Variants in CEP57L1 observed in about 807,000 individuals in gnomAD.
CEP57L1 encodes the protein centrosomal protein 57 like 1, also known as centrosomal protein CEP57L1.
Under a neutral mutation model 61.0 loss-of-function variants are expected in CEP57L1, and 37 were observed. The ratio of observed to expected loss-of-function variants is 0.61; its 90% CI spans 0.47 to 0.80. The LOEUF (loss-of-function observed/expected upper bound fraction) is 0.80. CEP57L1 is among the 30% of genes least tolerant of loss of function. The pLI, the probability that CEP57L1 is intolerant of heterozygous loss-of-function variation, is 0.00. For synonymous variants in CEP57L1, 137 were observed against 162.3 expected (o/e 0.84, Z 1.19); for missense variants, 422 against 524.7 (o/e 0.80, Z 1.91).
chr6:109,127,617 G>GTTTGT (rs1414337566), intron 1 of CEP57L1, among the ~76,000 whole-genome samples: 3 of 145,914 alleles, frequency 2.1e-5, no homozygotes, highest in Middle Eastern at 3.4e-3. Flanking sequence ...TTTTTTGTTT[G>GTTTGT]TTTGTTTTGT....
intron 1 of CEP57L1, chr6:109,140,322 T>G (rs1383834453): frequency 6.6e-6 from 1 of 152,108 alleles, no homozygotes; most frequent in Non-Finnish European, 1.5e-5. Context: ...CATTAACCCT[T>G]TGTTCTTCAT....
chr6:109,148,887 TC>T (rs1772272527), intron 3 of CEP57L1, among the ~76,000 whole-genome samples: 1 of 152,238 alleles, frequency 6.6e-6, no homozygotes, highest in Admixed American at 6.5e-5. Context: ...GAGCATTTGT[TC>T]ATGTGTTTTT....
intron 4 of CEP57L1, 113 bp from the exon 5 acceptor site, chr6:109,153,720 T>C (rs932933718): frequency 4.2e-6 from 3 of 718,092 alleles, no homozygotes; most frequent in African/African-American, 1.8e-5. Flanking sequence ...TTTATGTACA[T>C]GTTTCTTAAG....
Position 109,155,832 on chromosome 6 carries a change from A to G in CEP57L1, c.699A>G (p.Ser233=). ...AAATCAGTAAAATTATAATGTCTTC[A>G]GTTTCAAATCTAAAGCACTCCAAGG... is the stretch of plus-strand genomic sequence containing the variant. ...GLEISKIIMS[S]VSNLKHSKEK... is the part of the protein sequence containing the mutation. The change falls in exon 7 of 11, where the codon TCA becomes TCG. Residue 233 remains serine (S), a synonymous_variant. Coordinates refer to ENST00000517392, the MANE Select transcript of CEP57L1 (RefSeq NM_001271852.3). 6.3e-7 allele frequency: 1 copy of G among 1,588,298 alleles called. No individual in the cohort carries two copies. Among genetic ancestry groups the G allele is most frequent in the Non-Finnish European group, 8.6e-7 (1 of 1,161,788 alleles).
At chr6:109,096,870 C>T (rs1781761798) in intron 1 of CEP57L1, among the ~76,000 whole-genome samples, 1 of 152,114 alleles carries the variant, frequency 6.6e-6, no homozygotes, top group African/African-American at 2.4e-5. Context: ...CTTTTTATGC[C>T]GTAGTTAAAT....
chr6:109,134,679 A>C (rs1480940013), intron 1 of CEP57L1, among the ~76,000 whole-genome samples: 2 of 152,222 alleles, frequency 1.3e-5, no homozygotes, highest in East Asian at 3.8e-4. Context: ...GTCTCAGCCC[A>C]AAATCTCCTT....
intron 1 of CEP57L1, among the ~76,000 whole-genome samples, chr6:109,141,486 A>G (rs1317471738): frequency 6.6e-6 from 1 of 151,994 alleles, no homozygotes; most frequent in Non-Finnish European, 1.5e-5. Flanking sequence ...GTGTTTCCCC[A>G]ATTTTTCTAA....
chr6:109,118,719 C>CA (rs763942250), intron 1 of CEP57L1, among the ~76,000 whole-genome samples: 3 of 152,206 alleles, frequency 2.0e-5, no homozygotes, highest in Non-Finnish European at 4.4e-5. Context: ...CAGAATAACT[C>CA]AGACACTACA....
chr6:109,153,915 G>A lies in CEP57L1; in HGVS notation c.545G>A (p.Cys182Tyr). 6.2e-7 allele frequency: 1 copy of A among 1,608,790 alleles called. No homozygotes were observed. The highest frequency in any genetic ancestry group is 1.1e-5 in the South Asian group (1 of 90,540). Residue 182 changes from cysteine to tyrosine, a missense_variant, in exon 5 of 11, where the codon TGT becomes TAT. Physicochemically the swap from Cys to Tyr is radical, Grantham distance 194. Coordinates refer to ENST00000517392, the MANE Select transcript of CEP57L1 (RefSeq NM_001271852.3). ...AAGCTTGATGTCTTAGAAAAAGAGT[G>A]TTTCAGACTTACAACAACTCAGAAA... is the stretch of plus-strand genomic sequence containing the variant. ...LEKLDVLEKECFRLTTTQKTA... is the reference protein window; with the variant it reads ...LEKLDVLEKEYFRLTTTQKTA...
intron 1 of CEP57L1, among the ~76,000 whole-genome samples, chr6:109,134,768 AACAG>A (rs1196753464): frequency 6.6e-6 from 1 of 152,098 alleles, no homozygotes. Flanking sequence ...ATACACCAAT[AACAG>A]ACAAACAGAG....
rs1043576208 is a variant in CEP57L1 at position 109,166,400 on chromosome 6, T to C, written c.*3430T>C. 6.8e-6 allele frequency among the ~76,000 whole-genome samples: 1 copy of C among 146,172 alleles called. No individual in the cohort carries two copies. Among genetic ancestry groups the C allele is most frequent in the African/African-American group, 2.6e-5 (1 of 39,066 alleles). On this transcript the variant is annotated 3_prime_UTR_variant, in exon 11 of 11. Coordinates refer to ENST00000517392, the MANE Select transcript of CEP57L1 (RefSeq NM_001271852.3). ...TATATTCTTTTTTTTTTTTTTTTGG[T>C]GGGCATGGAGTCTCGCTGTGTCACC...
intron 1 of CEP57L1, among the ~76,000 whole-genome samples, chr6:109,130,456 C>T (rs1415747040): frequency 6.6e-6 from 1 of 152,032 alleles, no homozygotes; most frequent in African/African-American, 2.4e-5. Context: ...TTGTATATAT[C>T]ACATTTTGTT....
At chr6:109,132,104 C>T (rs1774264339) in intron 1 of CEP57L1, among the ~76,000 whole-genome samples, 1 of 152,128 alleles carries the variant, frequency 6.6e-6, no homozygotes, top group South Asian at 2.1e-4. Context: ...AGTTGAAATT[C>T]GCCTTGCAAA....
At chr6:109,113,439 T>C (rs1771910876) in intron 1 of CEP57L1, among the ~76,000 whole-genome samples, 1 of 152,148 alleles carries the variant, frequency 6.6e-6, no homozygotes, top group South Asian at 2.1e-4. Context: ...CTTGAAGATC[T>C]AATACACTGA....
Position 109,174,271 on chromosome 6 carries a change from A to G in CEP57L1, c.*11301A>G, listed in dbSNP as rs1276425249. 1.3e-5 allele frequency among the ~76,000 whole-genome samples: 2 copies of G among 152,222 alleles called. No individual in the cohort carries two copies. Among genetic ancestry groups the G allele is most frequent in the Non-Finnish European group, 1.5e-5 (1 of 68,032 alleles). On this transcript the variant is annotated 3_prime_UTR_variant, in exon 11 of 11. Transcript: ENST00000517392. Reference sequence around the variant, plus strand: ...ACTTTTCAGATTTCTTGCAGAGGTCATAATGTTCCAGACAAGCTGGCAGCA... The same window carrying G: ...ACTTTTCAGATTTCTTGCAGAGGTCGTAATGTTCCAGACAAGCTGGCAGCA...
At chr6:109,141,373 G>T (rs1168795992) in intron 1 of CEP57L1, among the ~76,000 whole-genome samples, 1 of 151,428 alleles carries the variant, frequency 6.6e-6, no homozygotes, top group African/African-American at 2.4e-5. Context: ...CCACCACCAC[G>T]CCTGGCTAAT....
intron 1 of CEP57L1, among the ~76,000 whole-genome samples, chr6:109,111,527 C>G (rs1356251487): frequency 6.6e-6 from 1 of 152,150 alleles, no homozygotes; most frequent in Non-Finnish European, 1.5e-5. Flanking sequence ...TTTCTTTTGG[C>G]TGATTGCCCT....
At chr6:109,157,025 T>G (rs1773286635) in intron 7 of CEP57L1, 1 of 152,140 alleles carries the variant, frequency 6.6e-6, no homozygotes, top group Non-Finnish European at 1.5e-5. Flanking sequence ...TATGGCATCC[T>G]TTCTCTGATG....
chr6:109,150,041 G>C (rs567882668), intron 3 of CEP57L1, 77 bp from the exon 4 acceptor site: 23 of 817,198 alleles, frequency 2.8e-5, no homozygotes, highest in African/African-American at 8.8e-5. Flanking sequence ...GGGTTTTCTA[G>C]ATATACAATC....
Sources: allele counts gnomAD v4.1 joint callset (sites outside exome capture counted in the v4.1 genomes callset), GRCh38; gene constraint gnomAD v4.1.1; transcripts MANE v1.5; gene names NCBI Gene and HGNC (gene_info 2026-07-23, HGNC 2026-07-21).